CDNF: variants seen among roughly 807,000 people sequenced by gnomAD.
CDNF encodes the protein ARMET-like protein 1.
CDNF carries 9 observed loss-of-function variants against 14.8 expected under a neutral mutation model. The observed-to-expected ratio is 0.61, with a 90% confidence interval of 0.37 to 1.06. CDNF has a LOEUF of 1.06. Among genes scored for constraint, CDNF ranks in the 50% least tolerant of loss-of-function variants. The probability of loss-of-function intolerance (pLI) is 0.01; values close to 1 mark genes in which losing one functional copy is unlikely to be tolerated. For synonymous variants in CDNF, 86 were observed against 87.2 expected, an observed-to-expected ratio of 0.99 and a Z score of 0.07; for missense variants, 228 against 228.4, an observed-to-expected ratio of 1.00 and a Z score of 0.01.
chr10:14,836,705 G>A (rs1833891170), intron 1 of CDNF, among the ~76,000 whole-genome samples: 1 of 152,218 alleles, frequency 6.6e-6, no homozygotes, highest in Non-Finnish European at 1.5e-5. Flanking sequence ...GCTGAGGCGG[G>A]CCGATCACCT....
At chr10:14,829,687 T>C (rs915153623) in intron 1 of CDNF, among the ~76,000 whole-genome samples, 1 of 152,170 alleles carries the variant, frequency 6.6e-6, no homozygotes, top group Admixed American at 6.5e-5. Context: ...TTAAGTGCAA[T>C]GGCGCAATCT....
At chr10:14,820,732 A>C (rs1330177967) in intron 3 of CDNF, among the ~76,000 whole-genome samples, 1 of 145,702 alleles carries the variant, frequency 6.9e-6, no homozygotes. Flanking sequence ...ACTCTGTCTC[A>C]AAAAAAAAAT....
At chr10:14,834,445 A>G (rs539649093) in intron 1 of CDNF, 1 of 152,060 alleles carries the variant, frequency 6.6e-6, no homozygotes, top group East Asian at 1.9e-4. Flanking sequence ...GTGCCTCATC[A>G]CTCTTGTGGT....
intron 1 of CDNF, among the ~76,000 whole-genome samples, chr10:14,836,642 A>G (rs1222446800): frequency 1.3e-5 from 2 of 152,224 alleles, no homozygotes; most frequent in African/African-American, 4.8e-5. Flanking sequence ...AATTATTAAC[A>G]CTTTAAGGAC....
chr10:14,824,561 G>A (rs1164845495), intron 3 of CDNF, among the ~76,000 whole-genome samples: 6 of 138,894 alleles, frequency 4.3e-5, no homozygotes, highest in Admixed American at 7.9e-5. Flanking sequence ...AGCCAAGATC[G>A]CACCACTGCA....
intron 2 of CDNF, among the ~76,000 whole-genome samples, chr10:14,826,125 AAGCAGG>A (rs1308306541): frequency 7.3e-6 from 1 of 137,120 alleles, no homozygotes; most frequent in African/African-American, 2.9e-5. Context: ...GCAGCAGCAG[AAGCAGG>A]AGAAGGAGAA....
intron 1 of CDNF, among the ~76,000 whole-genome samples, chr10:14,832,894 G>A (rs1211767186): frequency 8.2e-6 from 1 of 122,676 alleles, no homozygotes. Flanking sequence ...GAATCTCGCT[G>A]TGTTGCCCAG....
At chr10:14,826,029 G>A (rs61843028) in intron 2 of CDNF, among the ~76,000 whole-genome samples, 8,012 of 85,614 alleles carry the variant, frequency 0.094, 609 homozygotes, top group African/African-American at 0.19. Context: ...GAAGAAGAAG[G>A]AGAAGAAGAA....
chr10:14,826,037 GA>G lies in CDNF; in HGVS notation c.244-418del, dbSNP rs1564313296. Among the ~76,000 whole-genome samples the G allele has an allele frequency of 3.9e-4, 29 of 75,002 alleles. No individual in the cohort carries two copies. The East Asian group carries it at 5.9e-3, about 15-fold the overall frequency. 49.2% of individuals were successfully genotyped at this position (75,002 alleles called of 152,430 possible). Reference sequence around the variant, plus strand: ...AGCAGAAGAAGAAGAAGGAGAAGAAGAAGAAGAAGAAGAAGAAGAAGAAGAA... The same window carrying G: ...AGCAGAAGAAGAAGAAGGAGAAGAAGAGAAGAAGAAGAAGAAGAAGAAGAA... On this transcript the variant is annotated intron_variant, in intron 2 of 3. Transcript: ENST00000465530.
intron 1 of CDNF, among the ~76,000 whole-genome samples, chr10:14,835,400 T>C (rs1833878165): frequency 6.6e-6 from 1 of 152,098 alleles, no homozygotes; most frequent in Non-Finnish European, 1.5e-5. Flanking sequence ...AGAAAAGCAG[T>C]ATCATGACCA....
chr10:14,837,903 C>T lies in CDNF; in HGVS notation c.44G>A (p.Gly15Glu). Residue 15 changes from glycine to glutamate, a missense_variant, in exon 1 of 4, where the codon GGG becomes GAG. Physicochemically the swap from Gly to Glu is moderately conservative, Grantham distance 98 (BLOSUM62 -2). Transcript: ENST00000465530. ...SPVAVVAFCAGLLVSHPVLTQ... is the reference protein window; with the variant it reads ...SPVAVVAFCAELLVSHPVLTQ... ...CAGCACCGGGTGAGAGACCAAAAGC[C>T]CGGCGCAAAAGGCCACCACAGCAAC... The T allele has an allele frequency of 6.2e-7, 1 of 1,607,480 alleles. No individual in the cohort carries two copies. Among genetic ancestry groups the T allele is most frequent in the South Asian group, 1.1e-5 (1 of 90,168 alleles).
At position 14,820,019 on chromosome 10, in the gene CDNF, G is replaced by C; in HGVS notation, c.525C>G (p.Ala175=). Residue 175 remains alanine (A), a synonymous_variant, in exon 4 of 4, where the codon GCC becomes GCG. Transcript: ENST00000465530. ...TDYVNLIQEL[A]PKYAATHPKT... Reference sequence around the variant, plus strand: ...TGGGGTGTGTCGCTGCATACTTGGGGGCCAGCTCTTGAATGAGATTCACAT... The same window carrying C: ...TGGGGTGTGTCGCTGCATACTTGGGCGCCAGCTCTTGAATGAGATTCACAT... The C allele has an allele frequency of 1.2e-6, 2 of 1,614,004 alleles. No homozygotes were observed. The highest frequency in any genetic ancestry group is 4.5e-5 in the East Asian group (2 of 44,882).
In CDNF at chr10:14,819,939, TTC is replaced by T; in HGVS notation, c.*39_*40del. The T allele has an allele frequency of 6.4e-7, 1 of 1,568,446 alleles. No homozygotes were observed. Among genetic ancestry groups the T allele is most frequent in the Non-Finnish European group, 8.7e-7 (1 of 1,148,194 alleles). Reference sequence around the variant, plus strand: ...ATGTCCATATCCTAGAGAGTCACTTTTCTCTCTAATTACAAGTCACAAATGTG... The same window carrying T: ...ATGTCCATATCCTAGAGAGTCACTTTTCTCTAATTACAAGTCACAAATGTG... On this transcript the variant is annotated 3_prime_UTR_variant, in exon 4 of 4. Transcript: ENST00000465530.
chr10:14,825,328 G>GC (rs1833770403), intron 3 of CDNF, 151 bp downstream of exon 3: 2 of 719,018 alleles, frequency 2.8e-6, no homozygotes, highest in Non-Finnish European at 4.6e-6. Context: ...AAACTCAAAT[G>GC]CCCATAGGTA....
chr10:14,835,256 G>C (rs1470269732), intron 1 of CDNF, among the ~76,000 whole-genome samples: 1 of 152,158 alleles, frequency 6.6e-6, no homozygotes, highest in Non-Finnish European at 1.5e-5. Context: ...AGGTTGGTTT[G>C]GGTTGCCAAG....
At position 14,828,056 on chromosome 10, in the gene CDNF, T is replaced by C. The variant is rs1367276493; in HGVS notation, c.243+89A>G. 1.4e-5 allele frequency: 19 copies of C among 1,340,264 alleles called. No individual in the cohort carries two copies. The South Asian group carries it at 2.2e-4, about 15-fold the overall frequency. 83.0% of individuals were successfully genotyped at this position (1,340,264 alleles called of 1,614,324 possible). A position where few individuals can be genotyped will look rare whatever the true frequency, so the allele number is the denominator to read the frequency against. On this transcript the variant is annotated intron_variant, in intron 2 of 3. Coordinates refer to ENST00000465530, the MANE Select transcript of CDNF (RefSeq NM_001029954.3). ...AATGGACATACTTGAGGCAAACATG[T>C]AAGTAGGAGGACTTCACGTCTAAGA...
At chr10:14,834,653 T>G (rs1308289665) in intron 1 of CDNF, among the ~76,000 whole-genome samples, 1 of 152,178 alleles carries the variant, frequency 6.6e-6, no homozygotes, top group Admixed American at 6.5e-5. Context: ...CCATATGCCA[T>G]GCACTATGGT....
chr10:14,828,060 T>C, intron 2 of CDNF, 85 bp downstream of exon 2: 24 of 1,375,870 alleles, frequency 1.7e-5, no homozygotes, highest in Non-Finnish European at 1.7e-5. Flanking sequence ...AACATGTAAG[T>C]AGGAGGACTT....
chr10:14,824,605 CAAAAA>C (rs572648812), intron 3 of CDNF, among the ~76,000 whole-genome samples: 17 of 64,658 alleles, frequency 2.6e-4, no homozygotes, highest in Non-Finnish European at 4.1e-4. Flanking sequence ...GACTTCCCCT[CAAAAA>C]AAAAAAAAAA....
Sources: gnomAD v4.1 joint callset for allele counts (sites outside exome capture counted in the v4.1 genomes callset) on GRCh38, gnomAD v4.1.1 for gene constraint, MANE v1.5 for transcripts, NCBI Gene and HGNC (gene_info 2026-07-23, HGNC 2026-07-21) for gene names.